Variants in RC3H2 observed in about 807,000 individuals in gnomAD.
RC3H2 encodes roquin-2.
In RC3H2, 31 loss-of-function variants were observed where a neutral mutation model predicts 133.3. The ratio of observed to expected loss-of-function variants is 0.23; its 90% CI spans 0.17 to 0.31. The LOEUF (loss-of-function observed/expected upper bound fraction) is 0.31, where lower values mean the gene tolerates loss of function less well. Among genes scored for constraint, RC3H2 ranks in the 10% least tolerant of loss-of-function variants. RC3H2 has a pLI of 1.00. For missense variants in RC3H2, 1,175 were observed against 1,437.2 expected (o/e 0.82, Z 2.95); for synonymous variants, 517 against 502.2 (o/e 1.03, Z -0.40).
chr9:122,860,602 C>T (rs1184210892), intron 10 of RC3H2, among the ~76,000 whole-genome samples: 5 of 151,590 alleles, frequency 3.3e-5, no homozygotes, highest in East Asian at 1.9e-4. Context: ...TTTGTAGAGA[C>T]GGGGTCTAGA....
At chr9:122,886,811 G>C (rs749233897) in intron 4 of RC3H2, among the ~76,000 whole-genome samples, 1 of 152,220 alleles carries the variant, frequency 6.6e-6, no homozygotes, top group Admixed American at 6.5e-5. Context: ...GTTAGTCATC[G>C]TGTCTCTTCT....
chr9:122,851,567 C>T (rs1830019593), intron 18 of RC3H2, 131 bp from the exon 19 acceptor site: 10 of 1,248,076 alleles, frequency 8.0e-6, no homozygotes, highest in Non-Finnish European at 9.8e-6. Context: ...GACTATACTG[C>T]TGCCATCTCG....
chr9:122,868,520 T>A (rs1221645583), intron 9 of RC3H2, among the ~76,000 whole-genome samples: 3 of 151,792 alleles, frequency 2.0e-5, no homozygotes, highest in Non-Finnish European at 4.4e-5. Context: ...AGATGTGCTT[T>A]GTTAAACAGA....
At chr9:122,903,733 T>C (rs1021216911) in intron 1 of RC3H2, among the ~76,000 whole-genome samples, 3 of 152,210 alleles carry the variant, frequency 2.0e-5, no homozygotes, top group African/African-American at 7.2e-5. Context: ...CTCTAAAATT[T>C]TGAAAACATT....
chr9:122,893,176 C>T (rs1177853031), intron 2 of RC3H2, 150 bp from the exon 3 acceptor site: 1 of 1,164,490 alleles, frequency 8.6e-7, no homozygotes, highest in Non-Finnish European at 1.1e-6. Context: ...TAAAGTCAAA[C>T]ACCTAGCCAA....
chr9:122,878,259 CTTT>C (rs924991045), intron 8 of RC3H2, among the ~76,000 whole-genome samples: 4 of 151,978 alleles, frequency 2.6e-5, no homozygotes, highest in Non-Finnish European at 4.4e-5. Context: ...ACAGCACAAC[CTTT>C]TTTATTTTTT....
At chr9:122,900,331 T>G (rs1018101250) in intron 1 of RC3H2, among the ~76,000 whole-genome samples, 2 of 152,168 alleles carry the variant, frequency 1.3e-5, no homozygotes, top group African/African-American at 4.8e-5. Flanking sequence ...TCAACTAAAC[T>G]TCCCTTATAC....
chr9:122,896,120 TA>T lies in RC3H2; in HGVS notation c.231+1158del, dbSNP rs10561653. On this transcript the variant is annotated intron_variant, in intron 2 of 20. Transcript: ENST00000357244. ...CTAACACTAACAATAGCTGATGAGT[TA>T]AAAAAAAAAAAAAAAAACTTTACGA... 6.2e-3 allele frequency among the ~76,000 whole-genome samples: 901 copies of T among 144,514 alleles called. 7 individuals carry two copies. The highest frequency in any genetic ancestry group is 7.2e-3 in the Non-Finnish European group (475 of 66,018). 94.8% of individuals were successfully genotyped at this position (144,514 alleles called of 152,430 possible).
chr9:122,887,594 T>C (rs948805440), intron 4 of RC3H2, among the ~76,000 whole-genome samples: 6 of 152,196 alleles, frequency 3.9e-5, no homozygotes, highest in African/African-American at 1.4e-4. Context: ...CTGGGTGTTA[T>C]GGTTATTCAT....
intron 1 of RC3H2, among the ~76,000 whole-genome samples, chr9:122,902,800 C>T (rs1024011222): frequency 5.4e-5 from 8 of 148,672 alleles, no homozygotes; most frequent in East Asian, 2.0e-4. Context: ...GCAGTGAACC[C>T]GAATGGTGCC....
chr9:122,864,444 T>C (rs146179510), intron 10 of RC3H2, among the ~76,000 whole-genome samples: 81 of 152,312 alleles, frequency 5.3e-4, no homozygotes, highest in African/African-American at 1.6e-3. Flanking sequence ...CAAGGCATAC[T>C]GGAGTATTAA....
In RC3H2 at chr9:122,857,982, C is replaced by G. The variant is rs1206703073; in HGVS notation, c.2395G>C (p.Val799Leu). The change falls in exon 13 of 21, where the codon GTG becomes CTG. Residue 799 changes from valine to leucine, a missense_variant. Around this residue, in one of 8 missense-constraint regions of RC3H2, gnomAD observed 490 missense variants for 492.8 expected, o/e 0.99. Coordinates refer to ENST00000357244, the MANE Select transcript of RC3H2 (RefSeq NM_001100588.3). ...GGTGGTGTTGGTGACTGTGTTGCCA[C>G]AGGAAGAGTTGAAGAGACAAGAGGT... ...KAPLVSSTLP[V>L]ATQSPTPPSP... is the part of the protein sequence containing the mutation. 6.2e-7 allele frequency: 1 copy of G among 1,613,962 alleles called. No individual in the cohort carries two copies. Among genetic ancestry groups the G allele is most frequent in the East Asian group, 2.2e-5 (1 of 44,894 alleles).
rs572940888 is a variant in RC3H2 at position 122,897,584 on chromosome 9, T to C, written c.-67-8A>G. ...TGTGTAGTGTTTTGTAAGCTAGAAATGGACAAAAGTATGAATTAACCACAT... is the reference window on the plus strand; with the variant it reads ...TGTGTAGTGTTTTGTAAGCTAGAAACGGACAAAAGTATGAATTAACCACAT... On this transcript the variant is annotated splice_polypyrimidine_tract_variant and splice_region_variant and intron_variant, in intron 1 of 20. Coordinates refer to ENST00000357244, the MANE Select transcript of RC3H2 (RefSeq NM_001100588.3). 27 of 1,513,968 alleles carry C rather than the reference T, an allele frequency of 1.8e-5. No individual in the cohort carries two copies. In the South Asian group the frequency reaches 3.1e-4, roughly 17 times the overall value. 93.8% of individuals were successfully genotyped at this position (1,513,968 alleles called of 1,614,324 possible). A position where few individuals can be genotyped will look rare whatever the true frequency, so the allele number is the denominator to read the frequency against.
chr9:122,875,083 C>T, intron 9 of RC3H2: 1 of 1,315,304 alleles, frequency 7.6e-7, no homozygotes. Flanking sequence ...AATGTATTTC[C>T]TGGAGTCTCC....
intron 13 of RC3H2, among the ~76,000 whole-genome samples, chr9:122,856,154 T>C (rs945295800): frequency 6.6e-6 from 1 of 152,022 alleles, no homozygotes; most frequent in South Asian, 2.1e-4. Flanking sequence ...AGTATGGTAC[T>C]AACATGGTAT....
At chr9:122,865,805 A>G in intron 9 of RC3H2, 148 bp from the exon 10 acceptor site, 4 of 639,068 alleles carry the variant, frequency 6.3e-6, no homozygotes, top group South Asian at 2.0e-5. Context: ...AATACAGTCT[A>G]TATCAAATTC....
At position 122,855,246 on chromosome 9, in the gene RC3H2, G is replaced by C; in HGVS notation, c.2753C>G (p.Thr918Ser). 6.2e-7 allele frequency: 1 copy of C among 1,614,172 alleles called. No homozygotes were observed. Reference protein sequence around the residue: ...ISRSSRTGYHTTDPVQATASQ... With the variant: ...ISRSSRTGYHSTDPVQATASQ... Reference sequence around the variant, plus strand: ...AGCAGTGGCCTGGACAGGATCTGTGGTATGGTAACCTGTACGGGAAGATCT... The same window carrying C: ...AGCAGTGGCCTGGACAGGATCTGTGCTATGGTAACCTGTACGGGAAGATCT... Residue 918 changes from threonine (T) to serine (S), a missense_variant, in exon 15 of 21, where the codon ACC becomes AGC. Physicochemically the swap from Thr to Ser is moderately conservative, Grantham distance 58. Coordinates refer to ENST00000357244, the MANE Select transcript of RC3H2 (RefSeq NM_001100588.3).
At chr9:122,871,657 A>G (rs956579201) in intron 9 of RC3H2, among the ~76,000 whole-genome samples, 1 of 151,342 alleles carries the variant, frequency 6.6e-6, no homozygotes, top group Non-Finnish European at 1.5e-5. Flanking sequence ...TTCCTACACT[A>G]TTCTATCTAA....
chr9:122,866,836 G>A (rs1830701326), intron 9 of RC3H2, among the ~76,000 whole-genome samples: 3 of 152,134 alleles, frequency 2.0e-5, no homozygotes, highest in Non-Finnish European at 4.4e-5. Flanking sequence ...CCCCGTCTGG[G>A]AAGTGAGGAG....
Sources: allele counts gnomAD v4.1 joint callset (sites outside exome capture counted in the v4.1 genomes callset), GRCh38; gene constraint gnomAD v4.1.1; regional missense constraint gnomAD v4.1.1; transcripts MANE v1.5; gene names NCBI Gene and HGNC (gene_info 2026-07-23, HGNC 2026-07-21).